The following HACE1 variants were observed in gnomAD, a reference collection of about 807,000 sequenced individuals.
HACE1 encodes E3 ubiquitin-protein ligase HACE1.
In HACE1, 73 loss-of-function variants were observed where a neutral mutation model predicts 118.4. That is an observed-to-expected ratio of 0.62 (90% CI 0.51 to 0.75). The LOEUF is 0.75. HACE1 is among the 30% of genes least tolerant of loss of function. The pLI is 0.00. For missense variants in HACE1, 749 were observed against 1,102.2 expected (o/e 0.68, Z 4.54); for synonymous variants, 368 against 374.8 (o/e 0.98, Z 0.21).
chr6:104,730,500 G>C, intron 22 of HACE1, 84 bp from the exon 23 acceptor site: 3 of 754,996 alleles, frequency 4.0e-6, no homozygotes, highest in Non-Finnish European at 7.2e-6. Context: ...GTTAGGGTAG[G>C]AATATATCCA....
At chr6:104,734,103 A>T (rs1260122249) in intron 22 of HACE1, among the ~76,000 whole-genome samples, 1 of 140,008 alleles carries the variant, frequency 7.1e-6, no homozygotes, top group East Asian at 2.2e-4. Context: ...CAGTGAGCCG[A>T]GTGAGATCCA....
In HACE1 at chr6:104,826,056, T is replaced by C. The variant is rs555153143; in HGVS notation, c.534+6986A>G. On this transcript the variant is annotated intron_variant, in intron 6 of 23. Transcript: ENST00000262903. ...GATCAGCAGCAACATTTGATTCTCA[T>C]AGGAGCATGAACTCTGTTGTAAGCT... 8.5e-5 allele frequency among the ~76,000 whole-genome samples: 13 copies of C among 152,286 alleles called. No individual in the cohort carries two copies. In the East Asian group the frequency reaches 1.2e-3, roughly 14 times the overall value.
At chr6:104,782,324 C>G (rs1221744579) in intron 14 of HACE1, 1 of 152,268 alleles carries the variant, frequency 6.6e-6, no homozygotes, top group Admixed American at 6.5e-5. Context: ...CCCGTCTCTA[C>G]AAAAAACACA....
chr6:104,753,910 C>G (rs1778335710), intron 19 of HACE1, among the ~76,000 whole-genome samples: 1 of 152,144 alleles, frequency 6.6e-6, no homozygotes, highest in Non-Finnish European at 1.5e-5. Flanking sequence ...GCTGAGATGG[C>G]TGAATTGACA....
chr6:104,799,772 C>T (rs965597098), intron 7 of HACE1, among the ~76,000 whole-genome samples: 2 of 152,106 alleles, frequency 1.3e-5, no homozygotes, highest in Non-Finnish European at 2.9e-5. Flanking sequence ...TCCAAGATGG[C>T]CGAATATGAA....
intron 7 of HACE1, among the ~76,000 whole-genome samples, chr6:104,809,653 T>G (rs1490320564): frequency 7.4e-6 from 1 of 135,978 alleles, no homozygotes; most frequent in Non-Finnish European, 1.6e-5. Context: ...CAAGAGCAGA[T>G]TCTTTTTTTT....
intron 14 of HACE1, chr6:104,782,248 G>A (rs975239725): frequency 2.0e-5 from 3 of 152,472 alleles, no homozygotes; most frequent in Non-Finnish European, 4.4e-5. Context: ...AACACTTTGG[G>A]AGGCTAAGGC....
chr6:104,842,855 T>A (rs1459366242), intron 5 of HACE1, among the ~76,000 whole-genome samples: 1 of 152,214 alleles, frequency 6.6e-6, no homozygotes, highest in Non-Finnish European at 1.5e-5. Context: ...CTCACGCCTA[T>A]AATCCCAGCA....
In HACE1 at chr6:104,859,634, T is replaced by G; in HGVS notation, c.9A>C (p.Arg3Ser). Residue 3 changes from arginine to serine, a missense_variant, in exon 1 of 24, where the codon AGA (arginine) becomes AGC (serine). Around this residue, in one of 5 missense-constraint regions of HACE1, gnomAD observed 120 missense variants for 219.1 expected, o/e 0.55. Coordinates refer to ENST00000262903, the MANE Select transcript of HACE1 (RefSeq NM_020771.4). ME[R>S]AMEQLNRLTR... ...TCAGGCGGTTGAGTTGCTCCATCGC[T>G]CTCTCCATCCTCGGCGCGCCCTCCG... 2.0e-6 allele frequency: 3 copies of G among 1,533,020 alleles called. No individual in the cohort carries two copies. The highest frequency in any genetic ancestry group is 2.6e-6 in the Non-Finnish European group (3 of 1,143,142). The allele number at this position is 1,533,020 out of a possible 1,614,324, so 95.0% of individuals were successfully genotyped here. A position where few individuals can be genotyped will look rare whatever the true frequency, so the allele number is the denominator to read the frequency against.
chr6:104,759,710 T>A (rs56294868), intron 19 of HACE1, among the ~76,000 whole-genome samples: 26,541 of 151,954 alleles, frequency 0.17, 2,485 homozygotes, highest in African/African-American at 0.25. Context: ...AGAGCAGAAT[T>A]GAAGGAGACA....
chr6:104,748,067 CA>C (rs1777621278), intron 20 of HACE1, among the ~76,000 whole-genome samples: 1 of 151,562 alleles, frequency 6.6e-6, no homozygotes, highest in Admixed American at 6.6e-5. Flanking sequence ...AAACAGGACA[CA>C]AAAAGCTTCT....
intron 19 of HACE1, among the ~76,000 whole-genome samples, chr6:104,764,653 C>T: frequency 6.6e-6 from 1 of 152,168 alleles, no homozygotes; most frequent in East Asian, 1.9e-4. Context: ...CTATTATCAC[C>T]ATCACCTACA....
chr6:104,859,601 C>T lies in HACE1; in HGVS notation c.42G>A (p.Ser14=). The T allele has an allele frequency of 6.5e-7, 1 of 1,529,108 alleles. No homozygotes were observed. Among genetic ancestry groups the T allele is most frequent in the Non-Finnish European group, 8.8e-7 (1 of 1,142,302 alleles). 94.7% of individuals were successfully genotyped at this position (1,529,108 alleles called of 1,614,324 possible). The change falls in exon 1 of 24, where the codon TCG becomes TCA. Residue 14 remains serine, a synonymous_variant. Transcript: ENST00000262903. ...AMEQLNRLTR[S]LRRARTVELP... is the part of the protein sequence containing the mutation. ...ACTCCACGGTGCGCGCGCGGCGCAG[C>T]GAGCGCGTCAGGCGGTTGAGTTGCT...
At chr6:104,793,211 A>G (rs977566943) in intron 10 of HACE1, among the ~76,000 whole-genome samples, 4 of 151,056 alleles carry the variant, frequency 2.6e-5, no homozygotes. Context: ...AGCTCGCAGT[A>G]AGCCGAGATC....
At chr6:104,730,033 G>A (rs1320612025) in intron 23 of HACE1, among the ~76,000 whole-genome samples, 1 of 152,180 alleles carries the variant, frequency 6.6e-6, no homozygotes, top group Non-Finnish European at 1.5e-5. Context: ...AAGTGATGGT[G>A]TGTAACTCAG....
At chr6:104,838,890 TAAAAAAAAAA>T (rs71003448) in intron 5 of HACE1, among the ~76,000 whole-genome samples, 27 of 58,858 alleles carry the variant, frequency 4.6e-4, no homozygotes, top group Middle Eastern at 0.011. Flanking sequence ...AACTCCATAG[TAAAAAAAAAA>T]AAAAAAAAAA....
intron 22 of HACE1, among the ~76,000 whole-genome samples, chr6:104,742,019 T>C (rs1481607992): frequency 6.8e-6 from 1 of 147,610 alleles, no homozygotes; most frequent in Non-Finnish European, 1.5e-5. Context: ...TATCTACAAC[T>C]ATCTGATCTT....
intron 20 of HACE1, among the ~76,000 whole-genome samples, chr6:104,747,998 C>T (rs1777615390): frequency 6.6e-6 from 1 of 151,708 alleles, no homozygotes; most frequent in Admixed American, 6.6e-5. Flanking sequence ...AGGAATAAAG[C>T]TTTTAAAAGA....
At chr6:104,810,061 A>C (rs1771435980) in intron 7 of HACE1, among the ~76,000 whole-genome samples, 1 of 152,106 alleles carries the variant, frequency 6.6e-6, no homozygotes, top group African/African-American at 2.4e-5. Flanking sequence ...AAACAGGCAG[A>C]TGGACATTCA....
Sources: gnomAD v4.1 joint callset for allele counts (sites outside exome capture counted in the v4.1 genomes callset) on GRCh38, gnomAD v4.1.1 for gene constraint, gnomAD v4.1.1 regional missense constraint, MANE v1.5 for transcripts, NCBI Gene and HGNC (gene_info 2026-07-23, HGNC 2026-07-21) for gene names.